The following UVRAG variants were observed in gnomAD, a reference collection of about 807,000 sequenced individuals.
The protein encoded by UVRAG is UV radiation resistance-associated gene protein.
Under a neutral mutation model 78.0 loss-of-function variants are expected in UVRAG, and 19 were observed. The observed-to-expected ratio is 0.24, with a 90% CI of 0.17 to 0.36. The LOEUF is 0.36. Among genes scored for constraint, UVRAG ranks in the 10% least tolerant of loss-of-function variants. The pLI is 1.00. For synonymous variants in UVRAG, 323 were observed against 324.6 expected, an observed-to-expected ratio of 1.00 and a Z score of 0.05; for missense variants, 740 against 853.8, an observed-to-expected ratio of 0.87 and a Z score of 1.66.
intron 12 of UVRAG, among the ~76,000 whole-genome samples, chr11:76,041,479 G>A (rs546275719): frequency 1.3e-4 from 20 of 152,342 alleles, no homozygotes; most frequent in African/African-American, 4.6e-4. Context: ...CCAGCAGCTG[G>A]GAAGAAGAGC....
intron 1 of UVRAG, among the ~76,000 whole-genome samples, chr11:75,822,665 T>TG (rs1945420327): frequency 6.9e-6 from 1 of 144,428 alleles, no homozygotes; most frequent in African/African-American, 2.6e-5. Context: ...CACTTACTGT[T>TG]TTTTTTTTTT....
chr11:75,827,510 C>T (rs1307087100), intron 1 of UVRAG, among the ~76,000 whole-genome samples: 5 of 152,136 alleles, frequency 3.3e-5, no homozygotes, highest in African/African-American at 1.2e-4. Context: ...ACTCAGGAGG[C>T]TGAGGCGGGA....
chr11:75,926,342 T>C (rs1016113659), intron 6 of UVRAG, among the ~76,000 whole-genome samples: 1 of 152,214 alleles, frequency 6.6e-6, no homozygotes, highest in Non-Finnish European at 1.5e-5. Flanking sequence ...TAGGCTTCTG[T>C]TCCTTAAATT....
intron 4 of UVRAG, among the ~76,000 whole-genome samples, chr11:75,882,939 A>G (rs542638943): frequency 6.6e-6 from 1 of 152,262 alleles, no homozygotes; most frequent in South Asian, 2.1e-4. Context: ...CTTAATTAAA[A>G]CTTAGAAAAT....
At chr11:76,110,738 G>C (rs1454041345) in intron 13 of UVRAG, among the ~76,000 whole-genome samples, 2 of 152,080 alleles carry the variant, frequency 1.3e-5, no homozygotes, top group Non-Finnish European at 2.9e-5. Context: ...GAGACATAGA[G>C]ACAAGAAAGA....
At chr11:76,040,920 A>C (rs1950637269) in intron 12 of UVRAG, among the ~76,000 whole-genome samples, 1 of 152,172 alleles carries the variant, frequency 6.6e-6, no homozygotes, top group South Asian at 2.1e-4. Flanking sequence ...ATCAGCAGAC[A>C]AGGAGGGTTT....
At chr11:75,877,886 G>A (rs1401802128) in intron 3 of UVRAG, among the ~76,000 whole-genome samples, 2 of 145,786 alleles carry the variant, frequency 1.4e-5, no homozygotes, top group Non-Finnish European at 3.0e-5. Flanking sequence ...CTCCCTCCCG[G>A]ACGGGGCGGC....
chr11:76,009,938 A>C (rs2135351646), intron 11 of UVRAG, among the ~76,000 whole-genome samples: 1 of 151,582 alleles, frequency 6.6e-6, no homozygotes, highest in African/African-American at 2.4e-5. Context: ...TAAATGCATA[A>C]GATTTTGCCT....
At chr11:76,027,784 TA>T (rs887620743) in intron 12 of UVRAG, among the ~76,000 whole-genome samples, 1 of 152,158 alleles carries the variant, frequency 6.6e-6, no homozygotes, top group Non-Finnish European at 1.5e-5. Context: ...CAAGGAATAT[TA>T]AAAATGTAAT....
intron 2 of UVRAG, among the ~76,000 whole-genome samples, chr11:75,857,614 C>T (rs185051915): frequency 2.0e-5 from 3 of 151,950 alleles, no homozygotes; most frequent in African/African-American, 4.8e-5. Flanking sequence ...CTTAGCCTCC[C>T]GAATAGCTAG....
chr11:75,944,695 C>T lies in UVRAG; in HGVS notation c.594-16749C>T, dbSNP rs746707870. On this transcript the variant is annotated intron_variant, in intron 6 of 14. Transcript: ENST00000356136. ...ATTGACTAAGTTAATGCAGTGGTAA[C>T]GTGGAACTTATAGAGACAGTGATTA... 1.4e-3 allele frequency among the ~76,000 whole-genome samples: 212 copies of T among 152,028 alleles called. 1 individual carries two copies. The highest frequency in any genetic ancestry group is 2.4e-3 in the Admixed American group (36 of 15,250).
At chr11:76,040,579 C>T (rs185934788) in intron 12 of UVRAG, among the ~76,000 whole-genome samples, 4 of 151,312 alleles carry the variant, frequency 2.6e-5, no homozygotes, top group Admixed American at 1.3e-4. Context: ...GGGGCGGGGA[C>T]GGAGTTTTGC....
At chr11:76,027,994 AT>A in intron 12 of UVRAG, among the ~76,000 whole-genome samples, 1 of 152,114 alleles carries the variant, frequency 6.6e-6, no homozygotes. Flanking sequence ...TAGAGACTGC[AT>A]TTTTTACAAA....
At chr11:75,965,127 CA>C (rs373265402) in intron 7 of UVRAG, among the ~76,000 whole-genome samples, 2,690 of 151,254 alleles carry the variant, frequency 0.018, 73 homozygotes, top group African/African-American at 0.061. Flanking sequence ...TCTACACACA[CA>C]AAAAAAAGGT....
chr11:75,898,421 GTCTA>G (rs1178410747), intron 5 of UVRAG, among the ~76,000 whole-genome samples: 3 of 152,004 alleles, frequency 2.0e-5, no homozygotes, highest in Non-Finnish European at 4.4e-5. Flanking sequence ...TTTTTGAATT[GTCTA>G]TCTCTCTCTC....
chr11:75,849,179 C>T (rs1245921731), intron 1 of UVRAG, among the ~76,000 whole-genome samples: 1 of 147,682 alleles, frequency 6.8e-6, no homozygotes, highest in African/African-American at 2.5e-5. Context: ...GACTCCCTCT[C>T]AAAAGAAAAA....
intron 7 of UVRAG, among the ~76,000 whole-genome samples, chr11:75,973,638 A>G (rs920565856): frequency 2.0e-5 from 3 of 152,138 alleles, no homozygotes; most frequent in Middle Eastern, 3.2e-3. Flanking sequence ...TACATGTGCC[A>G]TGTTGGTGTG....
chr11:75,931,065 G>C, intron 6 of UVRAG, among the ~76,000 whole-genome samples: 1 of 151,190 alleles, frequency 6.6e-6, no homozygotes, highest in Non-Finnish European at 1.5e-5. Context: ...GTGAGATACA[G>C]TTAGCATGAC....
chr11:76,120,115 A>G (rs1037700056), intron 14 of UVRAG, among the ~76,000 whole-genome samples: 68 of 152,346 alleles, frequency 4.5e-4, no homozygotes, highest in Non-Finnish European at 2.9e-4. Context: ...GGAATAGTTT[A>G]AGAAAAGCCG....
Sources: allele counts gnomAD v4.1 joint callset (sites outside exome capture counted in the v4.1 genomes callset), GRCh38; gene constraint gnomAD v4.1.1; transcripts MANE v1.5; gene names NCBI Gene and HGNC (gene_info 2026-07-23, HGNC 2026-07-21).